Variants in STK32B observed in about 807,000 individuals in gnomAD.
STK32B encodes the protein serine/threonine-protein kinase 32B.
In STK32B, 43 loss-of-function variants were observed where a neutral mutation model predicts 52.6. That is an observed-to-expected ratio of 0.82 (90% CI 0.64 to 1.05). STK32B has a LOEUF of 1.05. Among genes scored for constraint, STK32B ranks in the 50% least tolerant of loss-of-function variants. The probability of loss-of-function intolerance (pLI) is 0.00; values close to 1 mark genes in which losing one functional copy is unlikely to be tolerated. For synonymous variants in STK32B, 238 were observed against 204.3 expected, an observed-to-expected ratio of 1.17 and a Z score of -1.41; for missense variants, 621 against 534.6, an observed-to-expected ratio of 1.16 and a Z score of -1.59.
intron 3 of STK32B, among the ~76,000 whole-genome samples, chr4:5,221,050 G>T (rs147445996): frequency 4.6e-5 from 7 of 152,224 alleles, no homozygotes; most frequent in African/African-American, 1.7e-4. Context: ...TTGTCATATT[G>T]AAGTTGAGTG....
chr4:5,170,264 A>G (rs1481776223), intron 3 of STK32B, among the ~76,000 whole-genome samples: 1 of 152,124 alleles, frequency 6.6e-6, no homozygotes, highest in Admixed American at 6.6e-5. Context: ...AAGGAAAGGA[A>G]TGTGTTGGAG....
chr4:5,144,704 C>A (rs1418925360), intron 2 of STK32B, among the ~76,000 whole-genome samples: 1 of 152,128 alleles, frequency 6.6e-6, no homozygotes, highest in Non-Finnish European at 1.5e-5. Context: ...AAGTCTGTGT[C>A]TTGTCTGGTT....
chr4:5,170,363 G>C lies in STK32B; in HGVS notation c.260+1913G>C, dbSNP rs1346120760. Among the ~76,000 whole-genome samples, 3 of 152,066 alleles carry C rather than the reference G, an allele frequency of 2.0e-5. No individual in the cohort carries two copies. The Middle Eastern group carries it at 0.01, about 517-fold the overall frequency. On this transcript the variant is annotated intron_variant, in intron 3 of 11. Coordinates refer to ENST00000282908, the MANE Select transcript of STK32B (RefSeq NM_018401.3). ...TAGGGTACATGTGCACAACGTGCAG[G>C]TTTGTTACATATGTATACATGTGAC...
intron 3 of STK32B, among the ~76,000 whole-genome samples, chr4:5,175,997 A>T (rs868620668): frequency 6.6e-6 from 1 of 152,234 alleles, no homozygotes; most frequent in Non-Finnish European, 1.5e-5. Context: ...AGCCTTGGCA[A>T]TGGTGGGCGC....
At chr4:5,243,520 G>T (rs937828623) in intron 3 of STK32B, among the ~76,000 whole-genome samples, 9 of 152,166 alleles carry the variant, frequency 5.9e-5, no homozygotes, top group Non-Finnish European at 1.2e-4. Flanking sequence ...CATGTCATCT[G>T]CAAACAGGGA....
intron 3 of STK32B, among the ~76,000 whole-genome samples, chr4:5,220,989 G>A (rs1442216787): frequency 2.6e-5 from 4 of 152,182 alleles, no homozygotes; most frequent in Non-Finnish European, 5.9e-5. Flanking sequence ...TTTGGTTTCT[G>A]AGTGATTGAG....
intron 4 of STK32B, among the ~76,000 whole-genome samples, chr4:5,365,118 C>T (rs998815175): frequency 3.3e-5 from 5 of 152,094 alleles, no homozygotes; most frequent in Non-Finnish European, 7.4e-5. Context: ...TCAGGTGATC[C>T]ACCCACCTCG....
intron 1 of STK32B, among the ~76,000 whole-genome samples, chr4:5,117,594 T>C (rs1714802670): frequency 6.6e-6 from 1 of 152,162 alleles, no homozygotes; most frequent in African/African-American, 2.4e-5. Context: ...ATTTTTTCAA[T>C]GGGGAGATGA....
chr4:5,447,911 C>T (rs751561172), intron 7 of STK32B, among the ~76,000 whole-genome samples: 1 of 152,224 alleles, frequency 6.6e-6, no homozygotes, highest in Non-Finnish European at 1.5e-5. Context: ...GATTCTCCCA[C>T]AGGCTACAGT....
chr4:5,463,648 AAC>A (rs373156761), intron 9 of STK32B, among the ~76,000 whole-genome samples: 2 of 151,446 alleles, frequency 1.3e-5, no homozygotes, highest in East Asian at 1.9e-4. Context: ...CTCCCATACA[AAC>A]ACACACACAC....
intron 6 of STK32B, among the ~76,000 whole-genome samples, chr4:5,417,614 C>T (rs1712269993): frequency 6.6e-6 from 1 of 152,130 alleles, no homozygotes; most frequent in Non-Finnish European, 1.5e-5. Context: ...TTTCTTTCTC[C>T]CTAAGTTCTC....
chr4:5,302,694 G>C (rs968580445), intron 3 of STK32B, among the ~76,000 whole-genome samples: 6 of 152,016 alleles, frequency 3.9e-5, no homozygotes, highest in Non-Finnish European at 7.4e-5. Context: ...AGATTCTGGT[G>C]CACCCATCAC....
rs34791116 is a variant in STK32B at position 5,453,224 on chromosome 4, G to GGAGAGAGA, written c.667-3569_667-3562dup. ...AAGGAGAGAGAATTACAGAGATTAG[G>GGAGAGAGA]GAGAGAGAGAGAGAGAGAGAGTAGC... On this transcript the variant is annotated intron_variant, in intron 7 of 11. Transcript: ENST00000282908. This position sits in a 1 kb window ranked among gnomAD's most constrained non-coding sequence, Gnocchi z 4.0. 4.8e-4 allele frequency among the ~76,000 whole-genome samples: 72 copies of GGAGAGAGA among 150,630 alleles called. 1 individual carries two copies. Among genetic ancestry groups the GGAGAGAGA allele is most frequent in the African/African-American group, 1.7e-3 (68 of 41,006 alleles).
chr4:5,173,019 C>A (rs1577139697), intron 3 of STK32B, among the ~76,000 whole-genome samples: 1 of 152,270 alleles, frequency 6.6e-6, no homozygotes, highest in East Asian at 1.9e-4. Flanking sequence ...GATTCAAATT[C>A]TTCTTGATTT....
At chr4:5,142,160 T>C (rs1485258508) in intron 2 of STK32B, among the ~76,000 whole-genome samples, 1 of 152,308 alleles carries the variant, frequency 6.6e-6, no homozygotes, top group African/African-American at 2.4e-5. Context: ...TGCTTGCTGC[T>C]TGGGGAGCAA....
the STK32B span, among the ~76,000 whole-genome samples, chr4:5,025,672 C>T: frequency 6.6e-6 from 1 of 152,170 alleles, no homozygotes; most frequent in Non-Finnish European, 1.5e-5. Context: ...TCTCATGTTC[C>T]CATTTCTCTA....
rs975758969 is a variant in STK32B at position 5,421,150 on chromosome 4, C to T, written c.562+4216C>T. 2.6e-5 allele frequency among the ~76,000 whole-genome samples: 4 copies of T among 151,628 alleles called. No individual in the cohort carries two copies. In the South Asian group the frequency reaches 6.3e-4, roughly 24 times the overall value. On this transcript the variant is annotated intron_variant, in intron 6 of 11. Coordinates refer to ENST00000282908, the MANE Select transcript of STK32B (RefSeq NM_018401.3). ...TGTTGCCCAGCCTGGAGTGCAGTGG[C>T]GTGATCTCTGCTCACTGCAAACTCC...
In STK32B at chr4:5,483,208, A is replaced by T. The variant is rs1440815325; in HGVS notation, c.1106+15138A>T. Among the ~76,000 whole-genome samples the T allele has an allele frequency of 1.3e-5, 2 of 151,520 alleles. 1 individual carries two copies. Among genetic ancestry groups the T allele is most frequent in the Non-Finnish European group, 2.9e-5 (2 of 68,016 alleles). ...TCTGGTAGAATTTGGCTGTGAATCC[A>T]TCTGGTCCTGGACTCTTTTTGGTTG... On this transcript the variant is annotated intron_variant, in intron 11 of 11. Transcript: ENST00000282908.
At chr4:5,231,669 A>C (rs569060926) in intron 3 of STK32B, among the ~76,000 whole-genome samples, 1 of 152,132 alleles carries the variant, frequency 6.6e-6, no homozygotes, top group Non-Finnish European at 1.5e-5. Context: ...AAGAAAGAGT[A>C]GTTCTCAATG....
Sources: gnomAD v4.1 joint callset for allele counts (sites outside exome capture counted in the v4.1 genomes callset) on GRCh38, gnomAD v4.1.1 for gene constraint, Gnocchi (gnomAD v3.1) non-coding constraint, MANE v1.5 for transcripts, NCBI Gene and HGNC (gene_info 2026-07-23, HGNC 2026-07-21) for gene names.